The following FGF7 variants were observed in gnomAD, a reference collection of about 807,000 sequenced individuals.
FGF7 encodes the protein FGF-7.
A neutral mutation model predicts 20.5 loss-of-function variants in FGF7; 6 were observed. That is an observed-to-expected ratio of 0.29 (90% confidence interval 0.16 to 0.58). FGF7 has a LOEUF of 0.58. Among genes scored for constraint, FGF7 ranks in the 20% least tolerant of loss-of-function variants. The pLI is 0.90. For synonymous variants in FGF7, 64 were observed against 74.7 expected (o/e 0.86, Z 0.74); for missense variants, 144 against 228.8 (o/e 0.63, Z 2.39).
At chr15:49,435,059 G>C (rs757550256) in intron 2 of FGF7, among the ~76,000 whole-genome samples, 2 of 151,248 alleles carry the variant, frequency 1.3e-5, no homozygotes, top group Admixed American at 6.6e-5. Context: ...TGTTCATTTC[G>C]AACACATACA....
chr15:49,473,980 T>C (rs1159661221), intron 2 of FGF7, among the ~76,000 whole-genome samples: 1 of 152,134 alleles, frequency 6.6e-6, no homozygotes, highest in African/African-American at 2.4e-5. Flanking sequence ...TTATATATAA[T>C]ACATATTTAA....
chr15:49,454,712 C>T (rs545614435), intron 2 of FGF7, among the ~76,000 whole-genome samples: 60 of 152,272 alleles, frequency 3.9e-4, no homozygotes, highest in African/African-American at 1.4e-3. Context: ...CGAATTCAAG[C>T]GATTCTCCTG....
chr15:49,469,768 A>G (rs1172400432), intron 2 of FGF7, among the ~76,000 whole-genome samples: 3 of 152,164 alleles, frequency 2.0e-5, no homozygotes, highest in African/African-American at 7.2e-5. Context: ...TGCCTTTAAA[A>G]GTGATTGATA....
intron 2 of FGF7, among the ~76,000 whole-genome samples, chr15:49,455,060 T>C (rs1373741877): frequency 6.6e-6 from 1 of 152,124 alleles, no homozygotes; most frequent in African/African-American, 2.4e-5. Flanking sequence ...ATCACCTGTA[T>C]TAGGATCACC....
chr15:49,430,355 C>T (rs1191713231), intron 2 of FGF7, among the ~76,000 whole-genome samples: 1 of 151,712 alleles, frequency 6.6e-6, no homozygotes, highest in Non-Finnish European at 1.5e-5. Context: ...TTAAATGAGC[C>T]ACCTTATGAC....
At chr15:49,453,656 C>T (rs1453059646) in intron 2 of FGF7, among the ~76,000 whole-genome samples, 1 of 152,144 alleles carries the variant, frequency 6.6e-6, no homozygotes, top group Non-Finnish European at 1.5e-5. Context: ...GTAATTGTAT[C>T]TAGACTCATG....
At chr15:49,467,105 A>G (rs1049926437) in intron 2 of FGF7, among the ~76,000 whole-genome samples, 1 of 152,156 alleles carries the variant, frequency 6.6e-6, no homozygotes. Context: ...ATTACATTAT[A>G]TATCTACTGG....
At chr15:49,434,681 T>TA (rs1328201380) in intron 2 of FGF7, 2 of 151,598 alleles carry the variant, frequency 1.3e-5, no homozygotes, top group African/African-American at 4.8e-5. Flanking sequence ...ATTAAAAATA[T>TA]AAGAACATTT....
chr15:49,438,561 C>A (rs772159765), intron 2 of FGF7, among the ~76,000 whole-genome samples: 28 of 151,596 alleles, frequency 1.8e-4, no homozygotes, highest in African/African-American at 6.3e-4. Context: ...AATATTAATA[C>A]ACATTATATA....
At position 49,486,889 on chromosome 15, in the gene FGF7, C is replaced by A. The variant is rs1335496566; in HGVS notation, c.*2385C>A. 6.6e-6 allele frequency: 1 copy of A among 151,790 alleles called. No individual in the cohort carries two copies. Among genetic ancestry groups the A allele is most frequent in the African/African-American group, 2.4e-5 (1 of 41,344 alleles). 9.4% of individuals were successfully genotyped at this position (151,790 alleles called of 1,614,324 possible). A position where few individuals can be genotyped will look rare whatever the true frequency, so the allele number is the denominator to read the frequency against. The stretch of plus-strand genomic sequence containing the variant: ...TCTAGAATATTAAAACTGTAAGGGG[C>A]CTCCATCCCTCTTACTCATTTGTAG... On this transcript the variant is annotated 3_prime_UTR_variant, in exon 4 of 4. Coordinates refer to ENST00000267843, the MANE Select transcript of FGF7 (RefSeq NM_002009.4).
At chr15:49,442,645 G>T (rs963506361) in intron 2 of FGF7, among the ~76,000 whole-genome samples, 1 of 151,594 alleles carries the variant, frequency 6.6e-6, no homozygotes, top group Non-Finnish European at 1.5e-5. Flanking sequence ...CTAATTACAT[G>T]AATGCAGTGT....
At chr15:49,478,700 T>C (rs2055599643) in intron 2 of FGF7, among the ~76,000 whole-genome samples, 1 of 152,140 alleles carries the variant, frequency 6.6e-6, no homozygotes, top group Admixed American at 6.5e-5. Flanking sequence ...GTTATCATGC[T>C]AGCACAGCCA....
chr15:49,446,396 G>A (rs1254962421), intron 2 of FGF7, among the ~76,000 whole-genome samples: 1 of 151,578 alleles, frequency 6.6e-6, no homozygotes, highest in Non-Finnish European at 1.5e-5. Context: ...TACCCTTAAT[G>A]TACTGCCATA....
intron 2 of FGF7, among the ~76,000 whole-genome samples, chr15:49,471,081 C>G (rs1369693538): frequency 6.6e-6 from 1 of 152,020 alleles, no homozygotes; most frequent in Non-Finnish European, 1.5e-5. Context: ...TATGCTACAG[C>G]TTATTAGAAA....
chr15:49,441,310 T>C (rs1597211478), intron 2 of FGF7, among the ~76,000 whole-genome samples: 1 of 151,820 alleles, frequency 6.6e-6, no homozygotes, highest in East Asian at 1.9e-4. Context: ...TGCAGTGTTA[T>C]AGGCTCATTA....
intron 2 of FGF7, among the ~76,000 whole-genome samples, chr15:49,449,898 T>C (rs748379549): frequency 2.2e-4 from 33 of 152,082 alleles, no homozygotes; most frequent in Non-Finnish European, 4.6e-4. Flanking sequence ...TTAAAATTTC[T>C]GAGTTGGAAA....
chr15:49,455,139 T>C (rs190994061), intron 2 of FGF7, among the ~76,000 whole-genome samples: 24 of 152,298 alleles, frequency 1.6e-4, no homozygotes, highest in Admixed American at 1.3e-3. Flanking sequence ...ATCTCTGCTG[T>C]TAATTGGCGT....
At chr15:49,457,272 T>C (rs894859439) in intron 2 of FGF7, among the ~76,000 whole-genome samples, 3 of 152,006 alleles carry the variant, frequency 2.0e-5, no homozygotes, top group Non-Finnish European at 4.4e-5. Context: ...CCAAATGCGG[T>C]AACAACGGTG....
chr15:49,482,805 C>A (rs555638903), intron 2 of FGF7, among the ~76,000 whole-genome samples: 64 of 152,000 alleles, frequency 4.2e-4, no homozygotes, highest in South Asian at 3.5e-3. Context: ...ATGCAATAAT[C>A]CTTGGCATGT....
Sources: allele counts gnomAD v4.1 joint callset (sites outside exome capture counted in the v4.1 genomes callset), GRCh38; gene constraint gnomAD v4.1.1; transcripts MANE v1.5; gene names NCBI Gene and HGNC (gene_info 2026-07-23, HGNC 2026-07-21).